The following NAALADL2 variants were observed in gnomAD, a reference collection of about 807,000 sequenced individuals.
The protein encoded by NAALADL2 is N-acetylated alpha-linked acidic dipeptidase like 2.
In NAALADL2, 76 loss-of-function variants were observed where a neutral mutation model predicts 87.2. The observed-to-expected ratio is 0.87, with a 90% CI of 0.72 to 1.05. The LOEUF is 1.05. NAALADL2 is among the 50% of genes least tolerant of loss of function. NAALADL2 has a pLI of 0.00. For synonymous variants in NAALADL2, 354 were observed against 331.0 expected (o/e 1.07, Z -0.75); for missense variants, 1,089 against 945.8 (o/e 1.15, Z -1.99).
chr3:174,652,608 C>A (rs544199721), intron 2 of NAALADL2, among the ~76,000 whole-genome samples: 1 of 152,158 alleles, frequency 6.6e-6, no homozygotes, highest in East Asian at 1.9e-4. Context: ...ATGGGAAAAA[C>A]CCGCTCCCAT....
At chr3:175,135,138 A>G (rs976235579) in intron 2 of NAALADL2, among the ~76,000 whole-genome samples, 1 of 152,110 alleles carries the variant, frequency 6.6e-6, no homozygotes, top group Admixed American at 6.5e-5. Flanking sequence ...ATATCTCTCA[A>G]CAGTTTAAAC....
chr3:175,468,053 A>G (rs373903350), intron 8 of NAALADL2, among the ~76,000 whole-genome samples: 3 of 152,154 alleles, frequency 2.0e-5, no homozygotes, highest in African/African-American at 4.8e-5. Context: ...GAGGAGAAAA[A>G]TTTAATAGGA....
chr3:175,273,993 G>T (rs1456150169), intron 4 of NAALADL2, among the ~76,000 whole-genome samples: 9 of 151,882 alleles, frequency 5.9e-5, no homozygotes, highest in Non-Finnish European at 1.2e-4. Context: ...ATGCAGTTAA[G>T]TAGAAATGTT....
chr3:174,441,195 G>A (rs965947457), intron 1 of NAALADL2, among the ~76,000 whole-genome samples: 1 of 151,928 alleles, frequency 6.6e-6, no homozygotes, highest in Non-Finnish European at 1.5e-5. Flanking sequence ...CCGGGGCGCC[G>A]ACCCGGCGTG....
intron 2 of NAALADL2, among the ~76,000 whole-genome samples, chr3:174,646,155 A>G (rs549873310): frequency 1.3e-5 from 2 of 152,292 alleles, no homozygotes; most frequent in South Asian, 2.1e-4. Context: ...ATAAAACACT[A>G]AAGTGATTCC....
At chr3:175,299,428 GA>G (rs1170782924) in intron 4 of NAALADL2, among the ~76,000 whole-genome samples, 1 of 145,984 alleles carries the variant, frequency 6.9e-6, no homozygotes, top group Non-Finnish European at 1.5e-5. Flanking sequence ...CATGAGCATG[GA>G]ATCTTTTTTT....
chr3:175,583,520 G>A (rs866066172), intron 10 of NAALADL2, among the ~76,000 whole-genome samples: 5,385 of 151,448 alleles, frequency 0.036, 211 homozygotes, highest in African/African-American at 0.094. Context: ...GATGTGTGGG[G>A]AACCAGGCAA....
chr3:174,636,698 C>G (rs1560108313), intron 2 of NAALADL2, among the ~76,000 whole-genome samples: 1 of 152,112 alleles, frequency 6.6e-6, no homozygotes, highest in Non-Finnish European at 1.5e-5. Flanking sequence ...CTCTCACACA[C>G]TGTTGAAGCA....
intron 2 of NAALADL2, among the ~76,000 whole-genome samples, chr3:175,207,025 G>A (rs772581822): frequency 3.9e-5 from 6 of 152,064 alleles, no homozygotes; most frequent in African/African-American, 7.2e-5. Flanking sequence ...ACAAGTACAC[G>A]TATAGGATTA....
chr3:175,359,276 A>G (rs1160006763), intron 5 of NAALADL2, among the ~76,000 whole-genome samples: 1 of 152,088 alleles, frequency 6.6e-6, no homozygotes, highest in Non-Finnish European at 1.5e-5. Context: ...CAGAAAACTA[A>G]TCACCTTGAG....
At chr3:175,504,464 A>G (rs1729984172) in intron 9 of NAALADL2, among the ~76,000 whole-genome samples, 1 of 152,122 alleles carries the variant, frequency 6.6e-6, no homozygotes, top group Admixed American at 6.6e-5. Context: ...GGAGGCCATT[A>G]AAATGAAATG....
At chr3:175,769,583 G>A (rs1181955843) in intron 13 of NAALADL2, among the ~76,000 whole-genome samples, 3 of 152,126 alleles carry the variant, frequency 2.0e-5, no homozygotes, top group African/African-American at 4.8e-5. Flanking sequence ...TAATTGCTAT[G>A]TAGAAAACAG....
chr3:174,521,656 A>T (rs893838743), intron 1 of NAALADL2, among the ~76,000 whole-genome samples: 1 of 151,938 alleles, frequency 6.6e-6, no homozygotes, highest in Non-Finnish European at 1.5e-5. Context: ...GCCTATAGGT[A>T]ATTATCCTCA....
intron 11 of NAALADL2, among the ~76,000 whole-genome samples, chr3:175,667,869 GT>G (rs1733422072): frequency 6.6e-6 from 1 of 151,184 alleles, no homozygotes; most frequent in Non-Finnish European, 1.5e-5. Flanking sequence ...CTGTTTAGTG[GT>G]TTTAATACTC....
intron 2 of NAALADL2, among the ~76,000 whole-genome samples, chr3:174,711,115 T>A (rs1730583291): frequency 6.6e-6 from 1 of 152,198 alleles, no homozygotes; most frequent in Non-Finnish European, 1.5e-5. Flanking sequence ...GGGGGAAAAC[T>A]GGCTGTAGGA....
chr3:175,184,218 A>T (rs1163990998), intron 2 of NAALADL2, among the ~76,000 whole-genome samples: 1 of 152,114 alleles, frequency 6.6e-6, no homozygotes, highest in Admixed American at 6.6e-5. Context: ...TGGAGTTTGC[A>T]TGAGAATTAC....
intron 1 of NAALADL2, among the ~76,000 whole-genome samples, chr3:175,008,310 G>A (rs983355038): frequency 6.6e-6 from 1 of 152,138 alleles, no homozygotes. Flanking sequence ...GAGCGCAGGA[G>A]TTCGAGACTG....
chr3:174,606,060 G>A (rs543919794), intron 2 of NAALADL2, among the ~76,000 whole-genome samples: 1 of 152,172 alleles, frequency 6.6e-6, no homozygotes, highest in African/African-American at 2.4e-5. Context: ...AGGCAAACAG[G>A]GTCTGGAGTG....
At chr3:174,736,160 T>C (rs1413808529) in intron 2 of NAALADL2, among the ~76,000 whole-genome samples, 1 of 152,140 alleles carries the variant, frequency 6.6e-6, no homozygotes, top group African/African-American at 2.4e-5. Flanking sequence ...GTCACAGCCC[T>C]GGCTCAGGGA....
Sources: gnomAD v4.1 joint callset for allele counts (sites outside exome capture counted in the v4.1 genomes callset) on GRCh38, gnomAD v4.1.1 for gene constraint, MANE v1.5 for transcripts, NCBI Gene and HGNC (gene_info 2026-07-23, HGNC 2026-07-21) for gene names.